Variants in SLC35F1 observed in about 807,000 individuals in gnomAD.
SLC35F1 encodes the protein chromosome 6 open reading frame 169.
SLC35F1 carries 14 observed loss-of-function variants against 48.7 expected under a neutral mutation model. The ratio of observed to expected loss-of-function variants is 0.29; its 90% CI spans 0.19 to 0.45. The LOEUF (loss-of-function observed/expected upper bound fraction) is 0.45, where lower values mean the gene tolerates loss of function less well. Among genes scored for constraint, SLC35F1 ranks in the 20% least tolerant of loss-of-function variants. The probability of loss-of-function intolerance (pLI) is 1.00; values close to 1 mark genes in which losing one functional copy is unlikely to be tolerated. For missense variants in SLC35F1, 404 were observed against 500.0 expected (o/e 0.81, Z 1.83); for synonymous variants, 190 against 202.2 (o/e 0.94, Z 0.51).
chr6:118,218,569 G>A (rs1450321985), intron 2 of SLC35F1, among the ~76,000 whole-genome samples: 1 of 152,170 alleles, frequency 6.6e-6, no homozygotes, highest in East Asian at 1.9e-4. Context: ...GCTTACGCCT[G>A]TTTCTTACCT....
At chr6:118,031,016 C>T (rs1315552960) in intron 1 of SLC35F1, among the ~76,000 whole-genome samples, 3 of 152,076 alleles carry the variant, frequency 2.0e-5, no homozygotes, top group Non-Finnish European at 4.4e-5. Context: ...GTGGAAAATA[C>T]ATAGTTCCTA....
chr6:118,160,920 G>C (rs898869163), intron 2 of SLC35F1, among the ~76,000 whole-genome samples: 6 of 150,456 alleles, frequency 4.0e-5, no homozygotes, highest in African/African-American at 1.5e-4. Flanking sequence ...TTTTGAGGAG[G>C]TTGGGGGTGG....
At chr6:118,252,052 G>A (rs1344004131) in intron 3 of SLC35F1, among the ~76,000 whole-genome samples, 4 of 152,176 alleles carry the variant, frequency 2.6e-5, no homozygotes, top group African/African-American at 9.7e-5. Flanking sequence ...AGTAGTAAGA[G>A]ACTAAATTCA....
At chr6:117,917,822 C>A (rs1775845910) in intron 1 of SLC35F1, among the ~76,000 whole-genome samples, 1 of 116,132 alleles carries the variant, frequency 8.6e-6, no homozygotes, top group African/African-American at 2.6e-5. Flanking sequence ...GTCCTGGATG[C>A]ATGTGTAGAT....
intron 1 of SLC35F1, among the ~76,000 whole-genome samples, chr6:118,110,679 A>G (rs201408906): frequency 6.6e-6 from 1 of 152,052 alleles, no homozygotes; most frequent in African/African-American, 2.4e-5. Context: ...TGTCTCTCCT[A>G]TTGTCTCTGA....
rs141591259 is a variant in SLC35F1, at chr6:118,072,369, C to G, written c.174-82076C>G. 6.7e-3 allele frequency among the ~76,000 whole-genome samples: 1,019 copies of G among 152,156 alleles called. 16 individuals are homozygous for G. The highest frequency in any genetic ancestry group is 0.023 in the African/African-American group (939 of 41,520). On this transcript the variant is annotated intron_variant, in intron 1 of 7. Transcript: ENST00000360388. ...CATGAGGTCAGGAGATCGAGACCATCCTGGCTAACATGGTGAAACCCCATC... is the reference window on the plus strand; with the variant it reads ...CATGAGGTCAGGAGATCGAGACCATGCTGGCTAACATGGTGAAACCCCATC...
At chr6:117,954,021 T>C (rs1180993368) in intron 1 of SLC35F1, among the ~76,000 whole-genome samples, 1 of 152,164 alleles carries the variant, frequency 6.6e-6, no homozygotes, top group East Asian at 1.9e-4. Flanking sequence ...GATTTCAAAG[T>C]ATAGTCTTAG....
chr6:117,912,571 C>T (rs369161928), intron 1 of SLC35F1, among the ~76,000 whole-genome samples: 1 of 152,082 alleles, frequency 6.6e-6, no homozygotes, highest in Non-Finnish European at 1.5e-5. Flanking sequence ...CCGTCTAAAA[C>T]ATGTCAAAAT....
At chr6:117,979,058 T>C (rs1776741819) in intron 1 of SLC35F1, among the ~76,000 whole-genome samples, 1 of 152,224 alleles carries the variant, frequency 6.6e-6, no homozygotes, top group Non-Finnish European at 1.5e-5. Context: ...TTAATTCTTT[T>C]ACACAATGTG....
At chr6:118,115,262 G>T (rs1442138597) in intron 1 of SLC35F1, among the ~76,000 whole-genome samples, 3 of 152,148 alleles carry the variant, frequency 2.0e-5, no homozygotes, top group Non-Finnish European at 2.9e-5. Flanking sequence ...TGTAGAGGAA[G>T]AGAGGGTCCC....
chr6:118,011,179 A>G (rs1777241291), intron 1 of SLC35F1, among the ~76,000 whole-genome samples: 1 of 152,164 alleles, frequency 6.6e-6, no homozygotes, highest in Non-Finnish European at 1.5e-5. Context: ...ATCAGACATT[A>G]GATTCTTATA....
At chr6:117,954,860 T>C (rs1439005825) in intron 1 of SLC35F1, among the ~76,000 whole-genome samples, 1 of 152,236 alleles carries the variant, frequency 6.6e-6, no homozygotes, top group Non-Finnish European at 1.5e-5. Context: ...AATACAGTGG[T>C]GACCCCAAGA....
chr6:118,022,734 A>T (rs1050116817), intron 1 of SLC35F1, among the ~76,000 whole-genome samples: 1 of 150,028 alleles, frequency 6.7e-6, no homozygotes, highest in Non-Finnish European at 1.5e-5. Context: ...ACTCAAGGCT[A>T]CAAGCTTGGA....
chr6:118,205,771 T>C (rs1460947370), intron 2 of SLC35F1, among the ~76,000 whole-genome samples: 2 of 152,176 alleles, frequency 1.3e-5, no homozygotes, highest in African/African-American at 2.4e-5. Context: ...ATAAGCAAAA[T>C]ATATTTACAT....
chr6:118,044,190 G>C (rs1772267609), intron 1 of SLC35F1, among the ~76,000 whole-genome samples: 1 of 152,258 alleles, frequency 6.6e-6, no homozygotes, highest in South Asian at 2.1e-4. Context: ...TGGAACAGAT[G>C]GCTTATTCAG....
chr6:118,230,911 T>C (rs1582742082), intron 2 of SLC35F1, among the ~76,000 whole-genome samples: 1 of 151,974 alleles, frequency 6.6e-6, no homozygotes, highest in Non-Finnish European at 1.5e-5. Flanking sequence ...CAGAGAGCCA[T>C]GGTCACGCCA....
intron 2 of SLC35F1, among the ~76,000 whole-genome samples, chr6:118,199,073 C>A (rs537407823): frequency 6.6e-6 from 1 of 152,116 alleles, no homozygotes; most frequent in Non-Finnish European, 1.5e-5. Context: ...GCTGAGGGAC[C>A]CTGAAAGTAT....
chr6:118,019,428 C>T (rs971364023), intron 1 of SLC35F1, among the ~76,000 whole-genome samples: 3 of 152,090 alleles, frequency 2.0e-5, no homozygotes, highest in Admixed American at 1.3e-4. Flanking sequence ...TCAAGACTAG[C>T]CTGGCCAACA....
chr6:118,287,198 A>T (rs550619945), intron 7 of SLC35F1, among the ~76,000 whole-genome samples: 22 of 152,170 alleles, frequency 1.4e-4, no homozygotes, highest in African/African-American at 4.6e-4. Context: ...CTTCCTTCAA[A>T]ATCCCCCTCC....
Sources: allele counts gnomAD v4.1 joint callset (sites outside exome capture counted in the v4.1 genomes callset), GRCh38; gene constraint gnomAD v4.1.1; transcripts MANE v1.5; gene names NCBI Gene and HGNC (gene_info 2026-07-23, HGNC 2026-07-21).